Variants in MACROD2 observed in about 807,000 individuals in gnomAD.
MACROD2 encodes the protein ADP-ribose glycohydrolase MACROD2.
In MACROD2, 36 loss-of-function variants were observed where a neutral mutation model predicts 70.4. That is an observed-to-expected ratio of 0.51 (90% CI 0.39 to 0.68). The LOEUF (loss-of-function observed/expected upper bound fraction) is 0.68. Among genes scored for constraint, MACROD2 ranks in the 30% least tolerant of loss-of-function variants. The pLI, the probability that MACROD2 is intolerant of heterozygous loss-of-function variation, is 0.00. For synonymous variants in MACROD2, 172 were observed against 178.8 expected (o/e 0.96, Z 0.30); for missense variants, 496 against 538.4 (o/e 0.92, Z 0.78).
chr20:15,055,690 A>G (rs2075479242), intron 5 of MACROD2, among the ~76,000 whole-genome samples: 2 of 151,742 alleles, frequency 1.3e-5, no homozygotes, highest in Non-Finnish European at 2.9e-5. Flanking sequence ...ATTAAGTGGA[A>G]CAAGGTTTAG....
chr20:14,808,021 C>A (rs1339598440), intron 5 of MACROD2, among the ~76,000 whole-genome samples: 1 of 152,090 alleles, frequency 6.6e-6, no homozygotes, highest in African/African-American at 2.4e-5. Context: ...AAACACACTT[C>A]AGGATATTAT....
At chr20:15,315,092 TC>T (rs1466210583) in intron 6 of MACROD2, among the ~76,000 whole-genome samples, 1 of 152,108 alleles carries the variant, frequency 6.6e-6, no homozygotes, top group Non-Finnish European at 1.5e-5. Flanking sequence ...TGGAAGTGGG[TC>T]AATTAAAATG....
chr20:15,941,975 C>A (rs1424036047), intron 12 of MACROD2, among the ~76,000 whole-genome samples: 1 of 151,956 alleles, frequency 6.6e-6, no homozygotes, highest in Non-Finnish European at 1.5e-5. Flanking sequence ...TGAAAACAAA[C>A]AAATAAAAAA....
At chr20:14,876,714 G>A (rs755762241) in intron 5 of MACROD2, among the ~76,000 whole-genome samples, 2 of 151,976 alleles carry the variant, frequency 1.3e-5, no homozygotes, top group Non-Finnish European at 2.9e-5. Flanking sequence ...CCATTTATTC[G>A]GTAGGGAATC....
chr20:15,913,291 C>T (rs1294323662), intron 10 of MACROD2, among the ~76,000 whole-genome samples: 1 of 151,978 alleles, frequency 6.6e-6, no homozygotes, highest in Non-Finnish European at 1.5e-5. Context: ...CTCTGTCCAA[C>T]AAAATTATGT....
intron 5 of MACROD2, among the ~76,000 whole-genome samples, chr20:15,054,751 C>T (rs1452186659): frequency 6.6e-6 from 1 of 152,070 alleles, no homozygotes; most frequent in African/African-American, 2.4e-5. Context: ...GAATAGATCA[C>T]ATTTAGCACC....
chr20:16,014,930 G>A (rs1159807700), intron 15 of MACROD2, among the ~76,000 whole-genome samples: 1 of 152,102 alleles, frequency 6.6e-6, no homozygotes, highest in Admixed American at 6.5e-5. Flanking sequence ...AAAATGAGAG[G>A]GAGGCAGAAG....
chr20:14,591,851 A>G (rs549067762), intron 4 of MACROD2, among the ~76,000 whole-genome samples: 1 of 152,350 alleles, frequency 6.6e-6, no homozygotes, highest in East Asian at 1.9e-4. Flanking sequence ...TTCTGGAAAA[A>G]TATAAAAATA....
chr20:15,952,391 ATT>A (rs10637569), intron 12 of MACROD2, among the ~76,000 whole-genome samples: 2 of 146,724 alleles, frequency 1.4e-5, no homozygotes, highest in Admixed American at 6.8e-5. Context: ...ATCAGAAACC[ATT>A]TTTTTTTTTT....
chr20:14,294,071 A>G (rs2082408087), intron 3 of MACROD2, among the ~76,000 whole-genome samples: 3 of 151,864 alleles, frequency 2.0e-5, no homozygotes, highest in South Asian at 2.1e-4. Flanking sequence ...GTTAGATATT[A>G]GGTACCTAAA....
chr20:15,910,211 AAGAC>A (rs2065215524), intron 10 of MACROD2, among the ~76,000 whole-genome samples: 1 of 152,196 alleles, frequency 6.6e-6, no homozygotes, highest in Admixed American at 6.5e-5. Flanking sequence ...TTTTGCTGAG[AAGAC>A]AGTCACACTG....
intron 3 of MACROD2, among the ~76,000 whole-genome samples, chr20:14,377,572 T>C (rs561125232): frequency 2.0e-5 from 3 of 152,360 alleles, no homozygotes; most frequent in African/African-American, 7.2e-5. Flanking sequence ...CAAATAGCCT[T>C]GAGGCTGCTC....
intron 3 of MACROD2, among the ~76,000 whole-genome samples, chr20:14,270,574 T>G (rs2082183513): frequency 7.3e-6 from 1 of 136,194 alleles, no homozygotes; most frequent in Admixed American, 8.1e-5. Context: ...GGCAACAGAG[T>G]GAGACTCCAT....
chr20:14,351,325 A>G (rs1462201846), intron 3 of MACROD2, among the ~76,000 whole-genome samples: 1 of 151,668 alleles, frequency 6.6e-6, no homozygotes, highest in Admixed American at 6.6e-5. Context: ...GAATCTGTAG[A>G]TTGCTCTGGG....
intron 6 of MACROD2, among the ~76,000 whole-genome samples, chr20:15,354,883 T>C (rs2078268975): frequency 6.6e-6 from 1 of 152,240 alleles, no homozygotes; most frequent in African/African-American, 2.4e-5. Context: ...ATGATAGAAC[T>C]ACATAGTAAT....
chr20:15,161,643 G>T (rs2076349299), intron 5 of MACROD2, among the ~76,000 whole-genome samples: 1 of 151,910 alleles, frequency 6.6e-6, no homozygotes, highest in Non-Finnish European at 1.5e-5. Context: ...ACACCATCTG[G>T]ATGCTGGTTC....
At chr20:14,007,886 A>G (rs1028436682) in intron 2 of MACROD2, among the ~76,000 whole-genome samples, 1 of 152,234 alleles carries the variant, frequency 6.6e-6, no homozygotes, top group African/African-American at 2.4e-5. Flanking sequence ...ATGTTTATAC[A>G]GAACAGCAAT....
intron 8 of MACROD2, among the ~76,000 whole-genome samples, chr20:15,604,030 A>T (rs990665958): frequency 1.3e-5 from 2 of 152,184 alleles, no homozygotes; most frequent in Admixed American, 1.3e-4. Context: ...GAATTAGGCA[A>T]CTGCTTTTTA....
intron 8 of MACROD2, among the ~76,000 whole-genome samples, chr20:15,521,300 A>G (rs2047649713): frequency 6.6e-6 from 1 of 152,220 alleles, no homozygotes; most frequent in Non-Finnish European, 1.5e-5. Flanking sequence ...TAATAAAGAC[A>G]TTCTAGAGAT....
Sources: allele counts gnomAD v4.1 joint callset (sites outside exome capture counted in the v4.1 genomes callset), GRCh38; gene constraint gnomAD v4.1.1; transcripts MANE v1.5; gene names NCBI Gene and HGNC (gene_info 2026-07-23, HGNC 2026-07-21).